The following XYLB variants were observed in gnomAD, a reference collection of about 807,000 sequenced individuals.
XYLB encodes xylulokinase.
A neutral mutation model predicts 78.7 loss-of-function variants in XYLB; 62 were observed. The ratio of observed to expected loss-of-function variants is 0.79; its 90% CI spans 0.64 to 0.97. The LOEUF (loss-of-function observed/expected upper bound fraction) is 0.97, where lower values mean the gene tolerates loss of function less well. Ranked by LOEUF, XYLB falls within the 50% of genes least tolerant of loss-of-function variation. The pLI is 0.00. For synonymous variants in XYLB, 245 were observed against 247.4 expected (o/e 0.99, Z 0.09); for missense variants, 687 against 676.8 (o/e 1.02, Z -0.17).
In XYLB at chr3:38,370,098, C is replaced by G. The variant is rs780843732; in HGVS notation, c.689C>G (p.Ser230Cys). The change falls in exon 9 of 19, where the codon TCC becomes TGC. Residue 230 changes from serine to cysteine, a missense_variant. By Grantham distance (112) the Ser-to-Cys change is moderately radical. Transcript: ENST00000207870. ...NLLQIQDKVW[S>C]QACLGACAPH... ...TTGCAGATACAGGATAAAGTCTGGTCCCAGGCTTGCCTTGGTGCCTGTGCA... is the reference window on the plus strand; with the variant it reads ...TTGCAGATACAGGATAAAGTCTGGTGCCAGGCTTGCCTTGGTGCCTGTGCA... The G allele has an allele frequency of 1.9e-6, 3 of 1,614,214 alleles. No individual in the cohort carries two copies. In the South Asian group the frequency reaches 3.3e-5, roughly 18 times the overall value.
chr3:38,449,852 C>G, the XYLB span, among the ~76,000 whole-genome samples: 1 of 152,162 alleles, frequency 6.6e-6, no homozygotes, highest in Non-Finnish European at 1.5e-5. Context: ...TCCATTAGCA[C>G]AGCATAATCT....
chr3:38,388,169 GTT>G (rs71085320), intron 15 of XYLB, among the ~76,000 whole-genome samples: 179 of 109,256 alleles, frequency 1.6e-3, no homozygotes, highest in South Asian at 3.3e-3. Context: ...GTTTTTTTTT[GTT>G]TTTTTTTTTT....
chr3:38,388,369 A>G (rs1418687042), intron 15 of XYLB, among the ~76,000 whole-genome samples: 1 of 152,146 alleles, frequency 6.6e-6, no homozygotes, highest in African/African-American at 2.4e-5. Flanking sequence ...AAAATTGCCA[A>G]GAGATTTTAG....
At chr3:38,360,194 T>G in intron 2 of XYLB, 145 bp from the exon 3 acceptor site, 1 of 772,744 alleles carries the variant, frequency 1.3e-6, no homozygotes, top group Non-Finnish European at 2.2e-6. Flanking sequence ...CTCGTGCCTG[T>G]TCAATCAACA....
intron 6 of XYLB, 76 bp downstream of exon 6, chr3:38,365,812 GGGGGGATCACATGAGGTCAT>G: frequency 6.7e-7 from 1 of 1,498,210 alleles, no homozygotes. Context: ...ACCTGCCTCT[GGGGGGATCACATGAGGTCAT>G]GGAGGTGTTG....
chr3:38,376,256 G>C (rs138022618), intron 13 of XYLB, 24 bp downstream of exon 13: 1 of 1,540,752 alleles, frequency 6.5e-7, no homozygotes, highest in Non-Finnish European at 9.0e-7. Flanking sequence ...TGGTGCCCAG[G>C]CCTGTGAAGG....
downstream of XYLB, among the ~76,000 whole-genome samples, chr3:38,419,603 T>TATATATATATATATATAA (rs71085322): frequency 4.2e-3 from 337 of 80,778 alleles, 41 homozygotes; most frequent in Non-Finnish European, 7.3e-3. Context: ...TATATATATA[T>TATATATATATATATATAA]AATAGCCATC....
downstream of XYLB, among the ~76,000 whole-genome samples, chr3:38,417,611 G>C (rs952834206): frequency 6.6e-6 from 1 of 152,156 alleles, no homozygotes. Context: ...CCCAGGCATA[G>C]TAGCTCATGC....
the XYLB span, among the ~76,000 whole-genome samples, chr3:38,433,619 G>A: frequency 6.6e-6 from 1 of 152,178 alleles, no homozygotes; most frequent in East Asian, 1.9e-4. Flanking sequence ...AATGCTGCCA[G>A]TCTCTTTGCT....
intron 18 of XYLB, among the ~76,000 whole-genome samples, chr3:38,406,484 C>T (rs967639099): frequency 4.6e-5 from 7 of 152,228 alleles, no homozygotes; most frequent in Admixed American, 2.0e-4. Context: ...AGCGCCTCTC[C>T]TCCTCCAAAG....
the XYLB span, chr3:38,451,025 T>C: frequency 6.6e-6 from 1 of 152,120 alleles, no homozygotes; most frequent in Non-Finnish European, 1.5e-5. Flanking sequence ...AGATGACAAG[T>C]ATTGCCAAGG....
the XYLB span, among the ~76,000 whole-genome samples, chr3:38,428,842 C>T: frequency 2.6e-5 from 4 of 152,142 alleles, no homozygotes; most frequent in Non-Finnish European, 2.9e-5. Context: ...CTTTAACTGC[C>T]TTCTTTTGAG....
chr3:38,413,021 T>A lies in XYLB; in HGVS notation c.*8T>A, dbSNP rs1708661389. On this transcript the variant is annotated 3_prime_UTR_variant, in exon 19 of 19. Coordinates refer to ENST00000207870, the MANE Select transcript of XYLB (RefSeq NM_005108.4). Reference sequence around the variant, plus strand: ...CGGGGGCCTCCGGAGTGAACAGGCATCCCTGTTGCCCCTGCCTGCCCAGAT... The same window carrying A: ...CGGGGGCCTCCGGAGTGAACAGGCAACCCTGTTGCCCCTGCCTGCCCAGAT... The A allele has an allele frequency of 6.3e-7, 1 of 1,588,862 alleles. No homozygotes were observed. The highest frequency in any genetic ancestry group is 1.4e-5 in the African/African-American group (1 of 72,996).
At chr3:38,352,902 A>C (rs1022298721) in intron 2 of XYLB, among the ~76,000 whole-genome samples, 1 of 152,142 alleles carries the variant, frequency 6.6e-6, no homozygotes, top group Non-Finnish European at 1.5e-5. Context: ...AGGTGGGATT[A>C]AGACTTTTCA....
chr3:38,395,645 A>G, intron 16 of XYLB, 82 bp downstream of exon 16: 1 of 1,452,192 alleles, frequency 6.9e-7, no homozygotes, highest in South Asian at 1.2e-5. Context: ...TAGGAAGGAC[A>G]GCCTCCATTC....
chr3:38,378,521 G>T (rs1332918011), intron 14 of XYLB, among the ~76,000 whole-genome samples: 2 of 152,194 alleles, frequency 1.3e-5, no homozygotes, highest in Non-Finnish European at 2.9e-5. Flanking sequence ...TACCCTGGGT[G>T]GGGTGATCAA....
the XYLB span, among the ~76,000 whole-genome samples, chr3:38,447,470 A>AT: frequency 0.026 from 3,215 of 124,744 alleles, 88 homozygotes; most frequent in African/African-American, 0.066. Flanking sequence ...CATCTGGCTA[A>AT]TTTTTTTTTT....
At chr3:38,349,942 C>A (rs1575444493) in intron 2 of XYLB, among the ~76,000 whole-genome samples, 1 of 152,180 alleles carries the variant, frequency 6.6e-6, no homozygotes, top group African/African-American at 2.4e-5. Context: ...TTCATTTTAA[C>A]TTAATTGCCT....
At chr3:38,419,060 C>T (rs187353749), downstream of XYLB, among the ~76,000 whole-genome samples, 1 of 152,248 alleles carries the variant, frequency 6.6e-6, no homozygotes, top group East Asian at 1.9e-4. Flanking sequence ...ATTTTTCTCT[C>T]CCCAGCCCTT....
Sources: allele counts gnomAD v4.1 joint callset (sites outside exome capture counted in the v4.1 genomes callset), GRCh38; gene constraint gnomAD v4.1.1; transcripts MANE v1.5; gene names NCBI Gene and HGNC (gene_info 2026-07-23, HGNC 2026-07-21).